The following ZMYM2 variants were observed in gnomAD, a reference collection of about 807,000 sequenced individuals.
The protein encoded by ZMYM2 is zinc finger MYM-type protein 2.
Under a neutral mutation model 162.8 loss-of-function variants are expected in ZMYM2, and 56 were observed. The ratio of observed to expected loss-of-function variants is 0.34; its 90% CI spans 0.28 to 0.43. The LOEUF (loss-of-function observed/expected upper bound fraction) is 0.43, where lower values mean the gene tolerates loss of function less well. Among genes scored for constraint, ZMYM2 ranks in the 20% least tolerant of loss-of-function variants. The pLI is 1.00. For synonymous variants in ZMYM2, 510 were observed against 541.6 expected, an observed-to-expected ratio of 0.94 and a Z score of 0.81; for missense variants, 1,275 against 1,621.8, an observed-to-expected ratio of 0.79 and a Z score of 3.67.
intron 11 of ZMYM2, among the ~76,000 whole-genome samples, chr13:20,035,882 T>C (rs1019776051): frequency 6.6e-6 from 1 of 152,134 alleles, no homozygotes; most frequent in Non-Finnish European, 1.5e-5. Context: ...TTAAAGAATA[T>C]TTTAAAATAT....
At chr13:20,057,826 T>G (rs1319700290) in intron 14 of ZMYM2, among the ~76,000 whole-genome samples, 1 of 152,216 alleles carries the variant, frequency 6.6e-6, no homozygotes, top group Non-Finnish European at 1.5e-5. Context: ...AGTCATTGTT[T>G]GGGGCAACCG....
chr13:19,915,319 A>G, the ZMYM2 span, among the ~76,000 whole-genome samples: 1 of 151,544 alleles, frequency 6.6e-6, no homozygotes, highest in Non-Finnish European at 1.5e-5. Context: ...GGTCTTGAAC[A>G]CCTGGTCTCA....
At chr13:19,895,855 G>A in the ZMYM2 span, among the ~76,000 whole-genome samples, 6 of 151,344 alleles carry the variant, frequency 4.0e-5, no homozygotes, top group East Asian at 5.9e-4. Flanking sequence ...GCTAAAATGT[G>A]GGAACAATCC....
In ZMYM2 at chr13:20,085,916, C is replaced by G. The variant is rs757596283; in HGVS notation, c.4036C>G (p.Leu1346Val). Reference sequence around the variant, plus strand: ...CCCTGTCTGGTATACGTCTACTTCACTGGACCGAAACACCTTGGAAAATAT... The same window carrying G: ...CCCTGTCTGGTATACGTCTACTTCAGTGGACCGAAACACCTTGGAAAATAT... ...DSPVWYTSTS[L>V]DRNTLENMLV... is the part of the protein sequence containing the mutation. The change falls in exon 25 of 25, where the codon CTG (leucine) becomes GTG (valine). Residue 1346 changes from leucine to valine, a missense_variant. Physicochemically the swap from Leu to Val is conservative, Grantham distance 32. Around this residue, in one of 10 missense-constraint regions of ZMYM2, gnomAD observed 69 missense variants for 78.4 expected, o/e 0.88. Transcript: ENST00000610343. 1 of 1,613,832 alleles carries G rather than the reference C, an allele frequency of 6.2e-7. No homozygotes were observed. The highest frequency in any genetic ancestry group is 1.7e-5 in the Admixed American group (1 of 60,016).
chr13:20,061,371 A>AACAAC, intron 17 of ZMYM2, 147 bp downstream of exon 17: 3 of 695,012 alleles, frequency 4.3e-6, no homozygotes, highest in East Asian at 3.2e-5. Context: ...TTTTATATTA[A>AACAAC]GAGATCTACA....
chr13:19,981,992 A>C (rs1031609050), intron 2 of ZMYM2, among the ~76,000 whole-genome samples: 1 of 152,180 alleles, frequency 6.6e-6, no homozygotes, highest in South Asian at 2.1e-4. Flanking sequence ...TTATGAAATC[A>C]TGTTTCCAGA....
the ZMYM2 span, among the ~76,000 whole-genome samples, chr13:19,923,294 T>A: frequency 7.9e-6 from 1 of 127,202 alleles, no homozygotes; most frequent in Non-Finnish European, 1.5e-5. Flanking sequence ...GAGGTGGAGG[T>A]TGCAGTGAGC....
intron 12 of ZMYM2, among the ~76,000 whole-genome samples, 180 bp from the exon 13 acceptor site, chr13:20,051,253 G>GCATCT (rs369364385): frequency 0.014 from 997 of 72,880 alleles, 9 homozygotes; most frequent in East Asian, 0.025. Context: ...CTGTGAAATT[G>GCATCT]TATTTTTTTT....
chr13:19,996,026 T>A (rs746622400), intron 3 of ZMYM2, among the ~76,000 whole-genome samples: 7 of 151,472 alleles, frequency 4.6e-5, no homozygotes, highest in African/African-American at 1.7e-4. Context: ...TTTCATGACA[T>A]GTCTGTGGAT....
chr13:20,056,892 G>A (rs1050017845), intron 14 of ZMYM2, among the ~76,000 whole-genome samples: 2 of 152,090 alleles, frequency 1.3e-5, no homozygotes, highest in Non-Finnish European at 2.9e-5. Flanking sequence ...AAGGATCTGA[G>A]GTTAAAAGCT....
chr13:19,885,945 GTATATACACA>G, the ZMYM2 span, among the ~76,000 whole-genome samples: 572 of 120,748 alleles, frequency 4.7e-3, 173 homozygotes, highest in African/African-American at 0.022. Flanking sequence ...ACATATATAT[GTATATACACA>G]TATATATGTG....
chr13:20,038,390 G>A (rs1036980936), intron 12 of ZMYM2, among the ~76,000 whole-genome samples: 10 of 152,088 alleles, frequency 6.6e-5, no homozygotes, highest in African/African-American at 2.4e-4. Context: ...GTTGGCTTCA[G>A]GGGTTTTTAT....
chr13:19,951,970 G>T, the ZMYM2 span, among the ~76,000 whole-genome samples: 1 of 152,098 alleles, frequency 6.6e-6, no homozygotes, highest in East Asian at 1.9e-4. Context: ...CAATAGCCAG[G>T]ATATGGAGTA....
chr13:19,959,874 C>G (rs1490629687), intron 1 of ZMYM2, 84 bp from the exon 2 acceptor site: 1 of 152,252 alleles, frequency 6.6e-6, no homozygotes, highest in Non-Finnish European at 1.5e-5. Flanking sequence ...ATTCCCTTCT[C>G]TGCCTCCTTC....
intron 21 of ZMYM2, among the ~76,000 whole-genome samples, chr13:20,074,022 C>T (rs542991592): frequency 6.6e-6 from 1 of 152,250 alleles, no homozygotes; most frequent in South Asian, 2.1e-4. Flanking sequence ...CTCTCCATTT[C>T]CTTCTCTACT....
intron 6 of ZMYM2, among the ~76,000 whole-genome samples, chr13:20,017,339 T>C (rs1951711270): frequency 6.6e-6 from 1 of 152,240 alleles, no homozygotes; most frequent in Non-Finnish European, 1.5e-5. Context: ...ACTGTTTCTC[T>C]AGGCTGCTAT....
chr13:20,011,150 A>G (rs530104687), intron 6 of ZMYM2, among the ~76,000 whole-genome samples: 5 of 152,304 alleles, frequency 3.3e-5, no homozygotes, highest in East Asian at 1.9e-4. Context: ...TATTCATTCT[A>G]TAGTGCTATG....
At chr13:19,988,706 C>G (rs1257306271) in intron 2 of ZMYM2, among the ~76,000 whole-genome samples, 1 of 152,132 alleles carries the variant, frequency 6.6e-6, no homozygotes, top group Non-Finnish European at 1.5e-5. Flanking sequence ...GTGCTTGAAC[C>G]CAGGAGGTGG....
At chr13:19,998,733 A>G (rs1950189704) in intron 3 of ZMYM2, among the ~76,000 whole-genome samples, 1 of 152,202 alleles carries the variant, frequency 6.6e-6, no homozygotes, top group African/African-American at 2.4e-5. Context: ...TAAGATCTGA[A>G]TAGCCCCTCG....
Sources: gnomAD v4.1 joint callset for allele counts (sites outside exome capture counted in the v4.1 genomes callset) on GRCh38, gnomAD v4.1.1 for gene constraint, gnomAD v4.1.1 regional missense constraint, MANE v1.5 for transcripts, NCBI Gene and HGNC (gene_info 2026-07-23, HGNC 2026-07-21) for gene names.